The following DIPK1C variants were observed in gnomAD, a reference collection of about 807,000 sequenced individuals.
DIPK1C encodes divergent protein kinase domain 1C.
DIPK1C carries 33 observed loss-of-function variants against 28.0 expected under a neutral mutation model. The ratio of observed to expected loss-of-function variants is 1.18; its 90% CI spans 0.89 to 1.58. The LOEUF (loss-of-function observed/expected upper bound fraction) is 1.58. Ranked by LOEUF, DIPK1C falls within the 40% of genes most tolerant of loss-of-function variation. The probability of loss-of-function intolerance (pLI) is 0.00; values close to 1 mark genes in which losing one functional copy is unlikely to be tolerated. For synonymous variants in DIPK1C, 255 were observed against 248.8 expected (o/e 1.02, Z -0.23); for missense variants, 569 against 568.5 (o/e 1.00, Z -0.01).
chr18:74,454,711 A>G (rs574627910), intron 1 of DIPK1C, among the ~76,000 whole-genome samples: 1 of 152,332 alleles, frequency 6.6e-6, no homozygotes, highest in African/African-American at 2.4e-5. Flanking sequence ...CTCGGAAGCC[A>G]CAATGCCAAC....
chr18:74,439,911 C>T (rs1461638057), intron 3 of DIPK1C, among the ~76,000 whole-genome samples: 1 of 149,904 alleles, frequency 6.7e-6, no homozygotes, highest in African/African-American at 2.5e-5. Context: ...TAAATACTTG[C>T]TTTTGACATT....
At chr18:74,457,452 C>T (rs193084799), upstream of DIPK1C, among the ~76,000 whole-genome samples, 317 of 152,064 alleles carry the variant, frequency 2.1e-3, 1 homozygote, top group African/African-American at 7.1e-3. Flanking sequence ...ACCCCGCGCG[C>T]CCCGAGCACC....
At chr18:74,451,301 C>T (rs1986392302) in intron 1 of DIPK1C, among the ~76,000 whole-genome samples, 1 of 152,110 alleles carries the variant, frequency 6.6e-6, no homozygotes, top group South Asian at 2.1e-4. Context: ...TTCGAAATGC[C>T]GTTTTGGGTG....
upstream of DIPK1C, among the ~76,000 whole-genome samples, chr18:74,462,667 A>C (rs983800244): frequency 8.4e-6 from 1 of 119,218 alleles, no homozygotes; most frequent in South Asian, 2.6e-4. Context: ...TGTTTTGCTT[A>C]AAAAAAAAAA....
intron 1 of DIPK1C, among the ~76,000 whole-genome samples, chr18:74,455,738 A>AAAG (rs1555699593): frequency 2.3e-4 from 34 of 149,140 alleles, no homozygotes; most frequent in Non-Finnish European, 3.1e-4. Flanking sequence ...AAAAAAAAGA[A>AAAG]AAAGAAAAAG....
At position 74,447,990 on chromosome 18, in the gene DIPK1C, G is replaced by A. The variant is rs1399799341; in HGVS notation, c.199-707C>T. On this transcript the variant is annotated intron_variant, in intron 1 of 3. Transcript: ENST00000343998. This position sits in a 1 kb window ranked among gnomAD's most constrained non-coding sequence, Gnocchi z 4.1. The stretch of plus-strand genomic sequence containing the variant: ...AGTGTTTGCATCTGAGCGGCGGTGA[G>A]CAAGGCTGTCCAGGAGCCCCCGGAT... Among the ~76,000 whole-genome samples, 1 of 152,110 alleles carries A rather than the reference G, an allele frequency of 6.6e-6. No homozygotes were observed. The highest frequency in any genetic ancestry group is 2.4e-5 in the African/African-American group (1 of 41,420).
intron 1 of DIPK1C, among the ~76,000 whole-genome samples, chr18:74,456,553 G>A (rs1180170261): frequency 6.6e-6 from 1 of 152,188 alleles, no homozygotes; most frequent in East Asian, 1.9e-4. Flanking sequence ...GGTCAGACCA[G>A]CCCTCCGCAT....
intron 1 of DIPK1C, among the ~76,000 whole-genome samples, chr18:74,451,330 G>A (rs189836881): frequency 2.6e-5 from 4 of 152,214 alleles, no homozygotes; most frequent in South Asian, 2.1e-4. Context: ...GTACTTACAC[G>A]CTTCCTACCC....
At chr18:74,453,706 G>C (rs1196927719) in intron 1 of DIPK1C, among the ~76,000 whole-genome samples, 2 of 152,134 alleles carry the variant, frequency 1.3e-5, no homozygotes, top group Non-Finnish European at 2.9e-5. Context: ...TTGTTATGTA[G>C]GGTTTCCATT....
chr18:74,436,575 C>A lies in DIPK1C; in HGVS notation c.1186G>T (p.Ala396Ser). The A allele has an allele frequency of 6.2e-7, 1 of 1,611,728 alleles. No homozygotes were observed. ...GVPSGNTRRAASSVFWKLRQL... is the reference protein window; with the variant it reads ...GVPSGNTRRASSSVFWKLRQL... ...CGAAGCTTCCAGAACACGCTGGAGG[C>A]TGCTCTCCGGGTGTTCCCACTGGGG... The change falls in exon 4 of 4, where the codon GCC becomes TCC. Residue 396 changes from alanine (A) to serine (S), a missense_variant. Ala to Ser is a moderately conservative substitution (Grantham distance 99, BLOSUM62 1). Coordinates refer to ENST00000343998, the MANE Select transcript of DIPK1C (RefSeq NM_001044369.3).
At chr18:74,437,444 G>A (rs1324770898) in intron 3 of DIPK1C, among the ~76,000 whole-genome samples, 1 of 152,130 alleles carries the variant, frequency 6.6e-6, no homozygotes, top group Non-Finnish European at 1.5e-5. Flanking sequence ...TAAACATGTT[G>A]TTTGTTTTAT....
At chr18:74,458,970 G>A (rs1343135373), upstream of DIPK1C, among the ~76,000 whole-genome samples, 1 of 150,744 alleles carries the variant, frequency 6.6e-6, no homozygotes, top group Non-Finnish European at 1.5e-5. Context: ...CAGGCATGGT[G>A]ATGTGGGCTT....
upstream of DIPK1C, among the ~76,000 whole-genome samples, chr18:74,457,431 G>A (rs899708883): frequency 6.6e-6 from 1 of 151,468 alleles, no homozygotes; most frequent in Admixed American, 6.6e-5. Flanking sequence ...AGGGCGTCCA[G>A]CAGCAGCAAC....
At chr18:74,438,987 C>G (rs1274722904) in intron 3 of DIPK1C, among the ~76,000 whole-genome samples, 2 of 152,190 alleles carry the variant, frequency 1.3e-5, no homozygotes, top group East Asian at 3.8e-4. Context: ...GGAATAAGGC[C>G]CCTTCCACCC....
At chr18:74,443,739 AT>A (rs1225633959) in intron 2 of DIPK1C, among the ~76,000 whole-genome samples, 1 of 152,246 alleles carries the variant, frequency 6.6e-6, no homozygotes, top group Non-Finnish European at 1.5e-5. Flanking sequence ...CAAATAGCCG[AT>A]TTCATTATTT....
Position 74,457,195 on chromosome 18 carries a change from C to T in DIPK1C, c.65G>A (p.Arg22Gln), listed in dbSNP as rs1986535942. ...GWCRRRGRCG[R>Q]GTLLAFAAWT... Reference sequence around the variant, plus strand: ...CGCGGCGAAGGCGAGGAGCGTGCCCCGCCCGCAGCGCCCGCGCCTCCTGCA... The same window carrying T: ...CGCGGCGAAGGCGAGGAGCGTGCCCTGCCCGCAGCGCCCGCGCCTCCTGCA... The change falls in exon 1 of 4, where the codon CGG becomes CAG. Residue 22 changes from arginine (R) to glutamine (Q), a missense_variant. Transcript: ENST00000343998. The T allele has an allele frequency of 8.3e-7, 1 of 1,205,726 alleles. No individual in the cohort carries two copies. The highest frequency in any genetic ancestry group is 1.0e-6 in the Non-Finnish European group (1 of 972,694). 74.7% of individuals were successfully genotyped at this position (1,205,726 alleles called of 1,614,324 possible).
At chr18:74,449,377 G>A (rs1423050356) in intron 1 of DIPK1C, among the ~76,000 whole-genome samples, 3 of 152,220 alleles carry the variant, frequency 2.0e-5, no homozygotes, top group African/African-American at 7.2e-5. Context: ...CCCCAAAACA[G>A]CAGATAAGAG....
rs568593984 is a variant in DIPK1C at position 74,451,366 on chromosome 18, G to A, written c.199-4083C>T. Among the ~76,000 whole-genome samples, 144 of 152,232 alleles carry A rather than the reference G, an allele frequency of 9.5e-4. 1 individual carries two copies. The highest frequency in any genetic ancestry group is 3.4e-3 in the African/African-American group (140 of 41,548). ...GGCCTGGCCAAATCAACCTTTGCCC[G>A]GAAGCCAGTCCCACCCCTAAGTGGA... On this transcript the variant is annotated intron_variant, in intron 1 of 3. Transcript: ENST00000343998.
chr18:74,436,594 A>G lies in DIPK1C; in HGVS notation c.1167T>C (p.Ser389=). ...VQECADPGVP[S]GNTRRAASSV... Reference sequence around the variant, plus strand: ...TGGAGGCTGCTCTCCGGGTGTTCCCACTGGGGACCCCAGGGTCTGCACATT... The same window carrying G: ...TGGAGGCTGCTCTCCGGGTGTTCCCGCTGGGGACCCCAGGGTCTGCACATT... Residue 389 remains serine, a synonymous_variant, in exon 4 of 4, where the codon AGT becomes AGC. Coordinates refer to ENST00000343998, the MANE Select transcript of DIPK1C (RefSeq NM_001044369.3). 1 of 1,612,978 alleles carries G rather than the reference A, an allele frequency of 6.2e-7. No individual in the cohort carries two copies. The highest frequency in any genetic ancestry group is 8.5e-7 in the Non-Finnish European group (1 of 1,179,924).
Sources: allele counts gnomAD v4.1 joint callset (sites outside exome capture counted in the v4.1 genomes callset), GRCh38; gene constraint gnomAD v4.1.1; non-coding constraint Gnocchi (gnomAD v3.1); transcripts MANE v1.5; gene names NCBI Gene and HGNC (gene_info 2026-07-23, HGNC 2026-07-21).